The following MED27 variants were observed in gnomAD, a reference collection of about 807,000 sequenced individuals.
MED27 encodes mediator complex subunit 27, also known as mediator of RNA polymerase II transcription subunit 27.
In MED27, 30 loss-of-function variants were observed where a neutral mutation model predicts 38.2. The ratio of observed to expected loss-of-function variants is 0.79; its 90% confidence interval spans 0.59 to 1.07. The LOEUF (loss-of-function observed/expected upper bound fraction) is 1.07, where lower values mean the gene tolerates loss of function less well. Ranked by LOEUF, MED27 falls within the 50% of genes least tolerant of loss-of-function variation. The pLI, the probability that MED27 is intolerant of heterozygous loss-of-function variation, is 0.00. For missense variants in MED27, 289 were observed against 397.5 expected (o/e 0.73, Z 2.32); for synonymous variants, 122 against 153.5 (o/e 0.79, Z 1.52).
intron 6 of MED27, among the ~76,000 whole-genome samples, chr9:131,864,078 C>T (rs754793048): frequency 3.3e-5 from 5 of 152,132 alleles, no homozygotes; most frequent in African/African-American, 1.2e-4. Flanking sequence ...TAATGCCCGC[C>T]GTCAATCAGC....
chr9:131,999,952 G>C (rs1483773199), intron 3 of MED27, among the ~76,000 whole-genome samples: 2 of 152,100 alleles, frequency 1.3e-5, no homozygotes, highest in African/African-American at 4.8e-5. Flanking sequence ...TGAGCAGACA[G>C]TGGGTGTCCA....
chr9:131,942,894 T>G (rs1286990396), intron 3 of MED27, among the ~76,000 whole-genome samples: 1 of 152,188 alleles, frequency 6.6e-6, no homozygotes, highest in Non-Finnish European at 1.5e-5. Flanking sequence ...TTTTGATTCC[T>G]TTATTGATGA....
At chr9:131,884,851 G>GC (rs545851851) in intron 5 of MED27, among the ~76,000 whole-genome samples, 24 of 152,146 alleles carry the variant, frequency 1.6e-4, no homozygotes, top group African/African-American at 5.8e-4. Flanking sequence ...CAGGTGATCT[G>GC]CCCCCCTTGG....
chr9:131,949,057 A>C (rs1470341974), intron 3 of MED27, among the ~76,000 whole-genome samples: 1 of 152,190 alleles, frequency 6.6e-6, no homozygotes, highest in Non-Finnish European at 1.5e-5. Flanking sequence ...TGGGTACGTC[A>C]TGAACTAGAA....
At chr9:131,901,174 G>C (rs1320515691) in intron 4 of MED27, among the ~76,000 whole-genome samples, 1 of 152,092 alleles carries the variant, frequency 6.6e-6, no homozygotes, top group Non-Finnish European at 1.5e-5. Flanking sequence ...AGGAGATTTA[G>C]GAAGTGTTTT....
chr9:131,930,726 A>G (rs1830569446), intron 4 of MED27, among the ~76,000 whole-genome samples: 1 of 152,226 alleles, frequency 6.6e-6, no homozygotes, highest in Non-Finnish European at 1.5e-5. Context: ...TAATATTATG[A>G]TACTGTAATT....
At chr9:131,878,801 T>TGG (rs1838983446) in intron 6 of MED27, among the ~76,000 whole-genome samples, 1 of 152,212 alleles carries the variant, frequency 6.6e-6, no homozygotes, top group East Asian at 1.9e-4. Flanking sequence ...CTCTTTGTGA[T>TGG]TCTGCCCTTT....
At chr9:131,930,712 C>G (rs969066958) in intron 4 of MED27, among the ~76,000 whole-genome samples, 1 of 152,092 alleles carries the variant, frequency 6.6e-6, no homozygotes, top group Non-Finnish European at 1.5e-5. Context: ...CACAGAAAAA[C>G]ACGTAATATT....
intron 2 of MED27, among the ~76,000 whole-genome samples, chr9:132,055,206 A>G (rs1833550392): frequency 6.6e-6 from 1 of 152,362 alleles, no homozygotes; most frequent in South Asian, 2.1e-4. Context: ...AGGAGACAGG[A>G]TTAAGTATTC....
chr9:132,044,977 G>A (rs903436507), intron 2 of MED27, among the ~76,000 whole-genome samples: 5 of 151,936 alleles, frequency 3.3e-5, no homozygotes, highest in Non-Finnish European at 7.4e-5. Flanking sequence ...AAATATGGGA[G>A]GAAAAACAGA....
At chr9:131,973,600 T>C (rs1037972193) in intron 3 of MED27, among the ~76,000 whole-genome samples, 32 of 152,030 alleles carry the variant, frequency 2.1e-4, no homozygotes, top group Non-Finnish European at 2.8e-4. Flanking sequence ...GGCTTTGTCT[T>C]GTCTGACTGG....
chr9:131,864,776 CT>C (rs1838709005), intron 6 of MED27, among the ~76,000 whole-genome samples: 1 of 152,276 alleles, frequency 6.6e-6, no homozygotes, highest in African/African-American at 2.4e-5. Flanking sequence ...GGCCCGGCCC[CT>C]GGCCTCTTAT....
chr9:131,920,229 A>G lies in MED27; in HGVS notation c.573+19152T>C, dbSNP rs1830364099. The stretch of plus-strand genomic sequence containing the variant: ...CATAAACACTCCTCTCTAACAGTGC[A>G]GTGTACAGATATCCCCTCTAGCCTG... On this transcript the variant is annotated intron_variant, in intron 4 of 7. Transcript: ENST00000292035. Among the ~76,000 whole-genome samples, 3 of 152,210 alleles carry G rather than the reference A, an allele frequency of 2.0e-5. No homozygotes were observed. In the South Asian group the frequency reaches 6.2e-4, roughly 32 times the overall value.
At position 131,930,032 on chromosome 9, in the gene MED27, C is replaced by CAGAGAG. The variant is rs112511169; in HGVS notation, c.573+9343_573+9348dup. Reference sequence around the variant, plus strand: ...ATCTCCAGCTCCAGGTGGCTTAGCACAGAGAGAGAGAGAGGCTCCCTTTGT... The same window carrying CAGAGAG: ...ATCTCCAGCTCCAGGTGGCTTAGCACAGAGAGAGAGAGAGAGAGAGGCTCCCTTTGT... On this transcript the variant is annotated intron_variant, in intron 4 of 7. Coordinates refer to ENST00000292035, the MANE Select transcript of MED27 (RefSeq NM_004269.4). 2.0e-3 allele frequency among the ~76,000 whole-genome samples: 299 copies of CAGAGAG among 151,198 alleles called. 1 individual carries two copies. Among genetic ancestry groups the CAGAGAG allele is most frequent in the African/African-American group, 6.8e-3 (279 of 41,332 alleles).
chr9:131,978,791 T>C (rs534875903), intron 3 of MED27, among the ~76,000 whole-genome samples: 3 of 152,242 alleles, frequency 2.0e-5, no homozygotes, highest in Non-Finnish European at 2.9e-5. Flanking sequence ...TGAAACACAC[T>C]ACTCTTCAGA....
rs142607412 is a variant in MED27 at position 131,888,194 on chromosome 9, T to G, written c.682-4095A>C. Among the ~76,000 whole-genome samples, 54 of 152,338 alleles carry G rather than the reference T, an allele frequency of 3.5e-4. No homozygotes were observed. The East Asian group carries it at 5.2e-3, about 15-fold the overall frequency. ...CCATTTACTGATGAAGATGACGCAT[T>G]CGGCCTGCCCTTTACCTGCGTTACT... On this transcript the variant is annotated intron_variant, in intron 5 of 7. Transcript: ENST00000292035.
chr9:131,990,654 G>A (rs1425287919), intron 3 of MED27, among the ~76,000 whole-genome samples: 2 of 152,200 alleles, frequency 1.3e-5, no homozygotes, highest in Non-Finnish European at 2.9e-5. Context: ...CACCCCAGGA[G>A]GATGTGGTCT....
intron 2 of MED27, among the ~76,000 whole-genome samples, chr9:132,067,964 G>A (rs973697388): frequency 2.0e-5 from 3 of 151,962 alleles, no homozygotes. Flanking sequence ...CGCCCACCTC[G>A]GCCCAAAATG....
intron 4 of MED27, among the ~76,000 whole-genome samples, chr9:131,923,038 A>G (rs1037565859): frequency 3.3e-5 from 5 of 152,196 alleles, no homozygotes; most frequent in African/African-American, 4.8e-5. Context: ...AGGAGTTCCT[A>G]TTAGTGAGAA....
Sources: allele counts gnomAD v4.1 joint callset (sites outside exome capture counted in the v4.1 genomes callset), GRCh38; gene constraint gnomAD v4.1.1; transcripts MANE v1.5; gene names NCBI Gene and HGNC (gene_info 2026-07-23, HGNC 2026-07-21).